PIK3C3: variants seen among roughly 807,000 people sequenced by gnomAD.
The protein encoded by PIK3C3 is phosphatidylinositol 3-kinase catalytic subunit type 3.
In PIK3C3, 95 loss-of-function variants were observed where a neutral mutation model predicts 126.1. The ratio of observed to expected loss-of-function variants is 0.75; its 90% CI spans 0.64 to 0.89. PIK3C3 has a LOEUF of 0.89. Among genes scored for constraint, PIK3C3 ranks in the 40% least tolerant of loss-of-function variants. The pLI is 0.00. For synonymous variants in PIK3C3, 374 were observed against 360.0 expected (o/e 1.04, Z -0.44); for missense variants, 829 against 1,063.2 (o/e 0.78, Z 3.06).
chr18:42,009,256 C>T (rs539243001), intron 10 of PIK3C3, among the ~76,000 whole-genome samples: 1 of 152,146 alleles, frequency 6.6e-6, no homozygotes, highest in African/African-American at 2.4e-5. Context: ...TCCCTGACTC[C>T]TGACATTGAC....
At chr18:42,028,071 G>GT in intron 14 of PIK3C3, among the ~76,000 whole-genome samples, 1 of 152,228 alleles carries the variant, frequency 6.6e-6, no homozygotes, top group African/African-American at 2.4e-5. Context: ...ATACTCATTT[G>GT]TTTTTATATT....
chr18:42,076,953 G>A (rs1388862117), intron 24 of PIK3C3, among the ~76,000 whole-genome samples: 1 of 152,068 alleles, frequency 6.6e-6, no homozygotes, highest in African/African-American at 2.4e-5. Context: ...TCTGCTATAT[G>A]TTTTTTATTT....
At chr18:41,957,237 CT>C (rs967170187) in intron 1 of PIK3C3, among the ~76,000 whole-genome samples, 9 of 152,180 alleles carry the variant, frequency 5.9e-5, no homozygotes, top group African/African-American at 2.2e-4. Context: ...AAACCAAGGC[CT>C]AGAAAGCTGG....
At chr18:42,063,635 A>G (rs1055116317) in intron 22 of PIK3C3, among the ~76,000 whole-genome samples, 1 of 152,148 alleles carries the variant, frequency 6.6e-6, no homozygotes, top group African/African-American at 2.4e-5. Flanking sequence ...TAAAACAGAT[A>G]ATTTGAAACT....
At chr18:41,999,316 T>G (rs1982172085) in intron 9 of PIK3C3, among the ~76,000 whole-genome samples, 1 of 152,218 alleles carries the variant, frequency 6.6e-6, no homozygotes, top group African/African-American at 2.4e-5. Context: ...TGCACCAACC[T>G]GCTTTTACAA....
Position 42,081,298 on chromosome 18 carries a change from C to G in PIK3C3, c.*161C>G. On this transcript the variant is annotated 3_prime_UTR_variant, in exon 25 of 25. Coordinates refer to ENST00000262039, the MANE Select transcript of PIK3C3 (RefSeq NM_002647.4). The stretch of plus-strand genomic sequence containing the variant: ...TTACATGGTACCTGAGTTCTGCTTC[C>G]TTGGATGTCATTGCTTAAATATAGT... The G allele has an allele frequency of 2.0e-6, 1 of 495,384 alleles. No homozygotes were observed. The highest frequency in any genetic ancestry group is 3.1e-5 in the East Asian group (1 of 31,840). 30.7% of individuals were successfully genotyped at this position (495,384 alleles called of 1,614,324 possible). A position where few individuals can be genotyped will look rare whatever the true frequency, so the allele number is the denominator to read the frequency against.
chr18:41,985,658 A>G (rs1261898557), intron 4 of PIK3C3, among the ~76,000 whole-genome samples: 1 of 152,132 alleles, frequency 6.6e-6, no homozygotes, highest in East Asian at 1.9e-4. Context: ...AATATGGTGC[A>G]CAAATGTGAA....
chr18:42,002,485 A>G (rs532396359), intron 9 of PIK3C3, among the ~76,000 whole-genome samples: 5 of 152,296 alleles, frequency 3.3e-5, no homozygotes, highest in Non-Finnish European at 7.4e-5. Flanking sequence ...GGCTAAATTT[A>G]CTCCCATTCT....
chr18:42,042,820 A>G (rs1217127670), intron 19 of PIK3C3, among the ~76,000 whole-genome samples: 3 of 152,182 alleles, frequency 2.0e-5, no homozygotes, highest in Non-Finnish European at 4.4e-5. Flanking sequence ...TCCTTGCTAC[A>G]TGTCTGCCAA....
intron 5 of PIK3C3, among the ~76,000 whole-genome samples, chr18:41,988,993 C>T (rs1981638094): frequency 6.6e-6 from 1 of 152,014 alleles, no homozygotes; most frequent in South Asian, 2.1e-4. Context: ...TTACCATTAC[C>T]ACCGCATTAC....
At chr18:42,060,094 T>C (rs1985250426) in intron 22 of PIK3C3, among the ~76,000 whole-genome samples, 1 of 152,122 alleles carries the variant, frequency 6.6e-6, no homozygotes, top group South Asian at 2.1e-4. Flanking sequence ...TTTTTTAATG[T>C]TGTATTTCAG....
In PIK3C3 at chr18:41,996,745, T is replaced by C; in HGVS notation, c.984+15T>C. On this transcript the variant is annotated intron_variant, in intron 9 of 24. Transcript: ENST00000262039. ...ATCAAGAAAAAGTGAGTGTCTTGAATATTTTCATATATCAAATTTATCTAC... is the reference window on the plus strand; with the variant it reads ...ATCAAGAAAAAGTGAGTGTCTTGAACATTTTCATATATCAAATTTATCTAC... The C allele has an allele frequency of 8.5e-7, 1 of 1,182,862 alleles. No individual in the cohort carries two copies. 73.3% of individuals were successfully genotyped at this position (1,182,862 alleles called of 1,614,324 possible).
At chr18:41,976,277 G>C (rs1467012594) in intron 4 of PIK3C3, among the ~76,000 whole-genome samples, 1 of 151,968 alleles carries the variant, frequency 6.6e-6, no homozygotes, top group East Asian at 1.9e-4. Context: ...GATTAGAGGA[G>C]CTCCCTGAGA....
chr18:41,996,894 A>C lies in PIK3C3; in HGVS notation c.984+164A>C, dbSNP rs1424145001. On this transcript the variant is annotated intron_variant, in intron 9 of 24. Transcript: ENST00000262039. ...TTTTAAAAAAATTATGAAATTCTGC[A>C]TACAAAGACACCTGTACCTGTTTGT... is the stretch of plus-strand genomic sequence containing the variant. 3.9e-5 allele frequency among the ~76,000 whole-genome samples: 6 copies of C among 152,156 alleles called. No individual in the cohort carries two copies. The East Asian group carries it at 7.7e-4, about 19-fold the overall frequency.
intron 24 of PIK3C3, among the ~76,000 whole-genome samples, chr18:42,080,266 A>G (rs1319031760): frequency 6.6e-6 from 1 of 152,174 alleles, no homozygotes; most frequent in Non-Finnish European, 1.5e-5. Context: ...ATGAAAAATA[A>G]ATCTTGCCAA....
At chr18:42,031,886 G>C (rs1694920660) in intron 15 of PIK3C3, among the ~76,000 whole-genome samples, 1 of 152,118 alleles carries the variant, frequency 6.6e-6, no homozygotes, top group African/African-American at 2.4e-5. Flanking sequence ...AGGTTCTTGG[G>C]ATACAGCAGT....
chr18:42,037,791 ATTC>A lies in PIK3C3; in HGVS notation c.1943_1945del (p.Leu648del). 1.2e-6 allele frequency: 2 copies of A among 1,612,326 alleles called. No individual in the cohort carries two copies. The highest frequency in any genetic ancestry group is 1.1e-5 in the South Asian group (1 of 90,940). On this transcript the variant is annotated inframe_deletion, in exon 17 of 25. Coordinates refer to ENST00000262039, the MANE Select transcript of PIK3C3 (RefSeq NM_002647.4). ...AGATGATTTACGTCAAGATCAACTT[ATTC>A]TTCAAATCATTTCACTCATGGACAA...
rs1177957571 is a variant in PIK3C3, at chr18:41,957,729, A to G, written c.228A>G (p.Thr76=). 1 of 1,613,386 alleles carries G rather than the reference A, an allele frequency of 6.2e-7. No homozygotes were observed. The highest frequency in any genetic ancestry group is 8.5e-7 in the Non-Finnish European group (1 of 1,179,732). Residue 76 remains threonine (T), a synonymous_variant, in exon 2 of 25, where the codon ACA becomes ACG. Transcript: ENST00000262039. ...AGCCTTTGGCCTTGCCAGTGAGAAC[A>G]TCCTACAAAGCATTTAGTACAAGAT... is the stretch of plus-strand genomic sequence containing the variant. The part of the protein sequence containing the change: ...EGKPLALPVR[T]SYKAFSTRWN...
rs954434604 is a variant in PIK3C3, at chr18:41,990,684, G to A, written c.714+130G>A. The A allele has an allele frequency of 2.9e-5, 17 of 594,068 alleles. No individual in the cohort carries two copies. In the African/African-American group the frequency reaches 3.2e-4, roughly 11 times the overall value. The allele number at this position is 594,068 out of a possible 1,614,324, so 36.8% of individuals were successfully genotyped here. ...CAGCAGACAGCTGTCAGCAGCAGCT[G>A]TTTATGTATACAGAAATCAAATCAT... On this transcript the variant is annotated intron_variant, in intron 6 of 24. Coordinates refer to ENST00000262039, the MANE Select transcript of PIK3C3 (RefSeq NM_002647.4).
Sources: gnomAD v4.1 joint callset for allele counts (sites outside exome capture counted in the v4.1 genomes callset) on GRCh38, gnomAD v4.1.1 for gene constraint, MANE v1.5 for transcripts, NCBI Gene and HGNC (gene_info 2026-07-23, HGNC 2026-07-21) for gene names.